The following GTF2E2 variants were observed in gnomAD, a reference collection of about 807,000 sequenced individuals.
GTF2E2 encodes the protein transcription initiation factor IIE subunit beta.
In GTF2E2, 21 loss-of-function variants were observed where a neutral mutation model predicts 40.5. That is an observed-to-expected ratio of 0.52 (90% CI 0.37 to 0.75). GTF2E2 has a LOEUF of 0.75. Among genes scored for constraint, GTF2E2 ranks in the 30% least tolerant of loss-of-function variants. The pLI is 0.00. For synonymous variants in GTF2E2, 117 were observed against 121.6 expected (o/e 0.96, Z 0.25); for missense variants, 298 against 338.4 (o/e 0.88, Z 0.94).
intron 4 of GTF2E2, among the ~76,000 whole-genome samples, chr8:30,613,448 C>G (rs1207021788): frequency 6.6e-6 from 1 of 152,092 alleles, no homozygotes; most frequent in Non-Finnish European, 1.5e-5. Context: ...AAAGAGCAAC[C>G]CTATATATTT....
chr8:30,616,956 A>T (rs941645667), intron 3 of GTF2E2, among the ~76,000 whole-genome samples: 4 of 152,170 alleles, frequency 2.6e-5, no homozygotes, highest in Admixed American at 2.6e-4. Flanking sequence ...AAAAAAAATC[A>T]CAAGAAACTA....
At position 30,580,333 on chromosome 8, in the gene GTF2E2, T is replaced by A. The variant is rs1244666467; in HGVS notation, c.707A>T (p.Tyr236Phe). 6.2e-7 allele frequency: 1 copy of A among 1,611,726 alleles called. No individual in the cohort carries two copies. Reference sequence around the variant, plus strand: ...GGAAGAAATACCCTGTCGCTTCAGATATTCTTCAATTTTCTCCTCGTCCAT... The same window carrying A: ...GGAAGAAATACCCTGTCGCTTCAGAAATTCTTCAATTTTCTCCTCGTCCAT... The part of the protein sequence containing the change: ...DSMDEEKIEE[Y>F]LKRQGISSMQ... Residue 236 changes from tyrosine (Y) to phenylalanine (F), a missense_variant, in exon 7 of 8, where the codon TAT becomes TTT. Coordinates refer to ENST00000355904, the MANE Select transcript of GTF2E2 (RefSeq NM_002095.6).
At chr8:30,602,398 T>G (rs1161629911) in intron 6 of GTF2E2, among the ~76,000 whole-genome samples, 3 of 152,192 alleles carry the variant, frequency 2.0e-5, no homozygotes, top group Non-Finnish European at 4.4e-5. Flanking sequence ...CTTAGGGTAT[T>G]ACACTGACTT....
At chr8:30,639,481 A>G (rs1801732553) in intron 2 of GTF2E2, among the ~76,000 whole-genome samples, 1 of 152,170 alleles carries the variant, frequency 6.6e-6, no homozygotes, top group African/African-American at 2.4e-5. Context: ...CTTTTGATAA[A>G]CTGCATTTTA....
intron 3 of GTF2E2, among the ~76,000 whole-genome samples, chr8:30,628,011 CAT>C (rs1162972167): frequency 6.6e-6 from 1 of 152,226 alleles, no homozygotes; most frequent in African/African-American, 2.4e-5. Context: ...CTGGAAAAAT[CAT>C]GTGGCAAAAG....
intron 6 of GTF2E2, among the ~76,000 whole-genome samples, chr8:30,582,432 C>A (rs1235414529): frequency 1.3e-5 from 2 of 152,112 alleles, no homozygotes; most frequent in Non-Finnish European, 2.9e-5. Flanking sequence ...ATCCAGCTTC[C>A]CCTAATGTTA....
At chr8:30,639,834 C>A (rs929102902) in intron 2 of GTF2E2, among the ~76,000 whole-genome samples, 2 of 151,554 alleles carry the variant, frequency 1.3e-5, no homozygotes, top group Admixed American at 6.6e-5. Flanking sequence ...AGCAAAGTAT[C>A]CCCTGCAAAA....
rs1022946700 is a variant in GTF2E2 at position 30,657,954 on chromosome 8, CG to C, written c.-5+18del. ...AAGCCGGGGCTCTGCGCCCCACACCCGGCGGCCGCAGCCCCTACCTGAGTGA... is the reference window on the plus strand; with the variant it reads ...AAGCCGGGGCTCTGCGCCCCACACCCGCGGCCGCAGCCCCTACCTGAGTGA... On this transcript the variant is annotated intron_variant, in intron 1 of 7. Coordinates refer to ENST00000355904, the MANE Select transcript of GTF2E2 (RefSeq NM_002095.6). The C allele has an allele frequency of 6.6e-6, 1 of 152,188 alleles. No individual in the cohort carries two copies. The highest frequency in any genetic ancestry group is 1.5e-5 in the Non-Finnish European group (1 of 68,110). 9.4% of individuals were successfully genotyped at this position (152,188 alleles called of 1,614,324 possible).
Position 30,587,871 on chromosome 8 carries a change from T to TAAAA in GTF2E2, c.644-7479_644-7476dup, listed in dbSNP as rs58179732. On this transcript the variant is annotated intron_variant, in intron 6 of 7. Transcript: ENST00000355904. ...TGGGCAACAGAGCAAGACTCCGTCT[T>TAAAA]AAAAAAAAAAAAAAAAAAAAAACCA... 5.3e-3 allele frequency among the ~76,000 whole-genome samples: 556 copies of TAAAA among 104,980 alleles called. 13 individuals carry two copies. The highest frequency in any genetic ancestry group is 0.02 in the African/African-American group (523 of 25,882). The allele number at this position is 104,980 out of a possible 152,430, so 68.9% of individuals were successfully genotyped here.
chr8:30,585,544 A>G (rs182233202), intron 6 of GTF2E2, among the ~76,000 whole-genome samples: 16 of 152,234 alleles, frequency 1.1e-4, no homozygotes, highest in Non-Finnish European at 4.4e-5. Context: ...CAGAGAAAAG[A>G]ATACAGTTTG....
At chr8:30,580,116 C>T (rs750029082) in intron 7 of GTF2E2, among the ~76,000 whole-genome samples, 165 bp downstream of exon 7, 3 of 152,064 alleles carry the variant, frequency 2.0e-5, no homozygotes, top group African/African-American at 4.8e-5. Context: ...GGAGCAGCAC[C>T]GAGGGCGGGT....
chr8:30,614,964 C>T (rs1800872707), intron 3 of GTF2E2, among the ~76,000 whole-genome samples: 1 of 151,766 alleles, frequency 6.6e-6, no homozygotes, highest in Admixed American at 6.6e-5. Context: ...TTCTTCCTAA[C>T]ATTTCAAGAG....
At position 30,652,414 on chromosome 8, in the gene GTF2E2, T is replaced by C. The variant is rs182390538; in HGVS notation, c.166+1019A>G. ...AGTTTTTTTTATGGGCAAAAAAAAATTGAATAGACATTTCACCAAGGAATA... is the reference window on the plus strand; with the variant it reads ...AGTTTTTTTTATGGGCAAAAAAAAACTGAATAGACATTTCACCAAGGAATA... On this transcript the variant is annotated intron_variant, in intron 2 of 7. Transcript: ENST00000355904. Among the ~76,000 whole-genome samples, 336 of 151,662 alleles carry C rather than the reference T, an allele frequency of 2.2e-3. 2 individuals carry two copies. The highest frequency in any genetic ancestry group is 0.012 in the South Asian group (59 of 4,802).
intron 5 of GTF2E2, among the ~76,000 whole-genome samples, chr8:30,608,032 C>T (rs1829372753): frequency 6.6e-6 from 1 of 152,180 alleles, no homozygotes; most frequent in Non-Finnish European, 1.5e-5. Flanking sequence ...TGTCTTTTAA[C>T]TTTCATTGAG....
At chr8:30,596,278 G>A (rs565012435) in intron 6 of GTF2E2, among the ~76,000 whole-genome samples, 3 of 152,076 alleles carry the variant, frequency 2.0e-5, no homozygotes, top group African/African-American at 7.2e-5. Context: ...TACAAATTCA[G>A]ACCACTTGAT....
At chr8:30,613,464 T>A (rs1306009761) in intron 4 of GTF2E2, among the ~76,000 whole-genome samples, 1 of 152,208 alleles carries the variant, frequency 6.6e-6, no homozygotes, top group Admixed American at 6.5e-5. Flanking sequence ...TATTTTCTTC[T>A]GCAGCTGCCA....
intron 1 of GTF2E2, among the ~76,000 whole-genome samples, chr8:30,655,768 T>C (rs1273190712): frequency 1.3e-5 from 2 of 152,198 alleles, no homozygotes; most frequent in South Asian, 2.1e-4. Flanking sequence ...GAACAATCAC[T>C]GGACGGTGAA....
chr8:30,598,170 T>C (rs1429056902), intron 6 of GTF2E2, among the ~76,000 whole-genome samples: 1 of 152,230 alleles, frequency 6.6e-6, no homozygotes, highest in Non-Finnish European at 1.5e-5. Context: ...AAGAAGTACA[T>C]AGGAAAAACA....
chr8:30,588,108 G>A (rs1055560402), intron 6 of GTF2E2, among the ~76,000 whole-genome samples: 41 of 152,162 alleles, frequency 2.7e-4, no homozygotes, highest in African/African-American at 9.7e-4. Context: ...GGGAACACCT[G>A]TACACTGTTG....
Sources: gnomAD v4.1 joint callset for allele counts (sites outside exome capture counted in the v4.1 genomes callset) on GRCh38, gnomAD v4.1.1 for gene constraint, MANE v1.5 for transcripts, NCBI Gene and HGNC (gene_info 2026-07-23, HGNC 2026-07-21) for gene names.